The following ZDHHC21 variants were observed in gnomAD, a reference collection of about 807,000 sequenced individuals.
ZDHHC21 encodes the protein palmitoyltransferase ZDHHC21.
A neutral mutation model predicts 34.6 loss-of-function variants in ZDHHC21; 15 were observed. That is an observed-to-expected ratio of 0.43 (90% confidence interval 0.29 to 0.67). ZDHHC21 has a LOEUF of 0.67. Ranked by LOEUF, ZDHHC21 falls within the 30% of genes least tolerant of loss-of-function variation. The probability of loss-of-function intolerance (pLI) is 0.14; values close to 1 mark genes in which losing one functional copy is unlikely to be tolerated. For synonymous variants in ZDHHC21, 142 were observed against 101.8 expected (o/e 1.40, Z -2.38); for missense variants, 344 against 327.7 (o/e 1.05, Z -0.38).
chr9:14,601,003 A>G, the ZDHHC21 span, among the ~76,000 whole-genome samples: 1 of 152,242 alleles, frequency 6.6e-6, no homozygotes, highest in Non-Finnish European at 1.5e-5. Flanking sequence ...AATTAACTCA[A>G]GATGGATTAA....
intron 7 of ZDHHC21, among the ~76,000 whole-genome samples, chr9:14,657,334 T>G (rs1832430737): frequency 6.6e-6 from 1 of 152,310 alleles, no homozygotes; most frequent in African/African-American, 2.4e-5. Context: ...TAAGTTTACA[T>G]ATATTATTTC....
intron 8 of ZDHHC21, among the ~76,000 whole-genome samples, chr9:14,636,023 T>A (rs1396691338): frequency 6.6e-6 from 1 of 151,958 alleles, no homozygotes; most frequent in Non-Finnish European, 1.5e-5. Context: ...CAATCAGAAA[T>A]CAATTAATAA....
intron 6 of ZDHHC21, among the ~76,000 whole-genome samples, chr9:14,661,011 A>C (rs1332998372): frequency 1.3e-5 from 2 of 152,216 alleles, no homozygotes; most frequent in Non-Finnish European, 2.9e-5. Context: ...TAAGAAAATT[A>C]CTTGGGAATT....
the ZDHHC21 span, among the ~76,000 whole-genome samples, chr9:14,603,028 T>A: frequency 1.3e-5 from 2 of 151,846 alleles, no homozygotes; most frequent in Non-Finnish European, 2.9e-5. Flanking sequence ...AGGTCCGCGT[T>A]TCCTGGAGGG....
intron 8 of ZDHHC21, among the ~76,000 whole-genome samples, chr9:14,634,260 G>A (rs1827874335): frequency 6.6e-6 from 1 of 152,182 alleles, no homozygotes; most frequent in South Asian, 2.1e-4. Context: ...AACCACTTGG[G>A]AGGCAGAGGT....
chr9:14,662,183 T>A (rs1006044915), intron 6 of ZDHHC21, 32 bp downstream of exon 6: 92 of 1,405,404 alleles, frequency 6.5e-5, no homozygotes, highest in Middle Eastern at 1.8e-4. Context: ...TACCCACCCC[T>A]CTTTTCTTTG....
intron 7 of ZDHHC21, among the ~76,000 whole-genome samples, chr9:14,657,354 CATT>C (rs1472897068): frequency 6.6e-6 from 1 of 152,040 alleles, no homozygotes; most frequent in Non-Finnish European, 1.5e-5. Flanking sequence ...CATTTAATCT[CATT>C]ATTATTCACA....
At chr9:14,678,992 A>T (rs910705382) in intron 3 of ZDHHC21, among the ~76,000 whole-genome samples, 3 of 152,102 alleles carry the variant, frequency 2.0e-5, no homozygotes, top group Admixed American at 1.3e-4. Flanking sequence ...AGAGACAGGG[A>T]TAGAGACAGA....
downstream of ZDHHC21, among the ~76,000 whole-genome samples, chr9:14,607,026 A>G (rs944321080): frequency 5.9e-5 from 9 of 151,300 alleles, no homozygotes; most frequent in African/African-American, 2.2e-4. Flanking sequence ...AAATACTAAC[A>G]AATGGGCACA....
At chr9:14,638,804 CA>C (rs1300908544) in intron 8 of ZDHHC21, among the ~76,000 whole-genome samples, 2 of 151,864 alleles carry the variant, frequency 1.3e-5, no homozygotes, top group African/African-American at 4.8e-5. Flanking sequence ...AAGTCAAAAC[CA>C]CAATAACATA....
At chr9:14,683,886 G>A in intron 2 of ZDHHC21, among the ~76,000 whole-genome samples, 1 of 152,254 alleles carries the variant, frequency 6.6e-6, no homozygotes, top group South Asian at 2.1e-4. Flanking sequence ...AGGATGCAAG[G>A]CTGGTTCAAC....
intron 8 of ZDHHC21, among the ~76,000 whole-genome samples, chr9:14,627,765 C>T (rs990676724): frequency 2.6e-5 from 4 of 152,148 alleles, no homozygotes; most frequent in African/African-American, 7.2e-5. Context: ...TCTCTCCAAG[C>T]CCAGTGACTG....
chr9:14,648,268 G>C (rs1830618824), intron 7 of ZDHHC21, among the ~76,000 whole-genome samples: 1 of 152,032 alleles, frequency 6.6e-6, no homozygotes, highest in Non-Finnish European at 1.5e-5. Context: ...CAGCCTAGTA[G>C]CTGGTCTTCT....
chr9:14,685,905 G>C (rs1223289931), intron 2 of ZDHHC21, among the ~76,000 whole-genome samples: 2 of 152,150 alleles, frequency 1.3e-5, no homozygotes, highest in African/African-American at 2.4e-5. Context: ...GTCCTTTGTA[G>C]GGACACGGAT....
At chr9:14,621,374 TA>T (rs1480009187) in intron 8 of ZDHHC21, among the ~76,000 whole-genome samples, 1 of 152,136 alleles carries the variant, frequency 6.6e-6, no homozygotes, top group Non-Finnish European at 1.5e-5. Context: ...CTGAAGGATT[TA>T]TTTGTGGCAT....
intron 8 of ZDHHC21, among the ~76,000 whole-genome samples, chr9:14,637,845 G>A (rs550318163): frequency 1.3e-5 from 2 of 151,956 alleles, no homozygotes; most frequent in South Asian, 4.1e-4. Context: ...ATCTCTATAA[G>A]GAAAACTGCA....
rs771668640 is a variant in ZDHHC21, at chr9:14,686,705, G to C, written c.-176+3632C>G. Among the ~76,000 whole-genome samples the C allele has an allele frequency of 9.5e-4, 145 of 152,210 alleles. 1 individual carries two copies. The highest frequency in any genetic ancestry group is 3.7e-4 in the Non-Finnish European group (25 of 68,032). ...ACAAAGTTAAAGTCTGGGTATAGTGGCTCATGCCTGTAATCCCAGCACTTT... is the reference window on the plus strand; with the variant it reads ...ACAAAGTTAAAGTCTGGGTATAGTGCCTCATGCCTGTAATCCCAGCACTTT... On this transcript the variant is annotated intron_variant, in intron 2 of 9. Coordinates refer to ENST00000380916, the MANE Select transcript of ZDHHC21 (RefSeq NM_178566.6).
chr9:14,609,616 T>C (rs73644807), downstream of ZDHHC21, among the ~76,000 whole-genome samples: 3,920 of 152,154 alleles, frequency 0.026, 102 homozygotes, highest in African/African-American at 0.062. Flanking sequence ...TGAATTTAAT[T>C]TTATTTTGTA....
At chr9:14,690,490 T>C (rs2131716289) in intron 1 of ZDHHC21, 105 bp from the exon 2 acceptor site, 1 of 390,324 alleles carries the variant, frequency 2.6e-6, no homozygotes, top group Non-Finnish European at 5.0e-6. Flanking sequence ...TGGTAAAATA[T>C]CAATTTTACC....
Sources: allele counts gnomAD v4.1 joint callset (sites outside exome capture counted in the v4.1 genomes callset), GRCh38; gene constraint gnomAD v4.1.1; transcripts MANE v1.5; gene names NCBI Gene and HGNC (gene_info 2026-07-23, HGNC 2026-07-21).